Variants in MED13L observed in about 807,000 individuals in gnomAD.
MED13L encodes the protein mediator of RNA polymerase II transcription subunit 13-like.
Under a neutral mutation model 220.9 loss-of-function variants are expected in MED13L, and 7 were observed. The ratio of observed to expected loss-of-function variants is 0.03; its 90% confidence interval spans 0.02 to 0.06. The LOEUF is 0.06. Ranked by LOEUF, MED13L falls within the 10% of genes least tolerant of loss-of-function variation. The probability of loss-of-function intolerance (pLI) is 1.00; values close to 1 mark genes in which losing one functional copy is unlikely to be tolerated. For synonymous variants in MED13L, 1,011 were observed against 1,015.2 expected, an observed-to-expected ratio of 1.00 and a Z score of 0.08; for missense variants, 1,965 against 2,760.5, an observed-to-expected ratio of 0.71 and a Z score of 6.46.
intron 16 of MED13L, among the ~76,000 whole-genome samples, chr12:115,993,122 T>A (rs1878174013): frequency 6.6e-6 from 1 of 152,172 alleles, no homozygotes; most frequent in Non-Finnish European, 1.5e-5. Context: ...ACAGAGGGAT[T>A]TGTGTAAATT....
chr12:116,083,184 A>G (rs1312847278), intron 4 of MED13L, among the ~76,000 whole-genome samples: 1 of 152,072 alleles, frequency 6.6e-6, no homozygotes, highest in Non-Finnish European at 1.5e-5. Context: ...AGTTGGGTAG[A>G]TCACTTGAGG....
intron 1 of MED13L, among the ~76,000 whole-genome samples, chr12:116,265,756 A>G (rs762568843): frequency 1.3e-5 from 2 of 152,196 alleles, no homozygotes; most frequent in Non-Finnish European, 2.9e-5. Context: ...CTGTTTTTTA[A>G]AAGAAAGCCA....
At chr12:116,058,239 G>A (rs372011514) in intron 4 of MED13L, among the ~76,000 whole-genome samples, 11 of 152,088 alleles carry the variant, frequency 7.2e-5, no homozygotes, top group African/African-American at 2.7e-4. Flanking sequence ...ATCAGGATAA[G>A]GTTTGCCATT....
chr12:115,981,663 G>A (rs1001023745), intron 22 of MED13L, among the ~76,000 whole-genome samples: 8 of 152,094 alleles, frequency 5.3e-5, no homozygotes, highest in South Asian at 4.1e-4. Context: ...ATACATAAAC[G>A]TGTCCTATGG....
At position 115,983,271 on chromosome 12, in the gene MED13L, T is replaced by A; in HGVS notation, c.4801A>T (p.Thr1601Ser). 6.2e-7 allele frequency: 1 copy of A among 1,614,206 alleles called. No homozygotes were observed. Among genetic ancestry groups the A allele is most frequent in the Non-Finnish European group, 8.5e-7 (1 of 1,180,014 alleles). ...ASAPGISQIS[T>S]TSSSGFSGSV... ...CCACTGAATCCTGAAGAAGAGGTAG[T>A]GCTTATCTGGCTAATACCAGGAGCA... Residue 1601 changes from threonine (T) to serine (S), a missense_variant, in exon 21 of 31, where the codon ACT becomes TCT. Transcript: ENST00000281928.
At chr12:116,084,671 G>A (rs2137755381) in intron 4 of MED13L, among the ~76,000 whole-genome samples, 1 of 152,042 alleles carries the variant, frequency 6.6e-6, no homozygotes, top group Non-Finnish European at 1.5e-5. Context: ...TGTAATCCCA[G>A]CTACTCAGGA....
chr12:116,137,852 A>ATTTTTTTT (rs5801166), intron 2 of MED13L, among the ~76,000 whole-genome samples: 3 of 118,482 alleles, frequency 2.5e-5, no homozygotes, highest in Non-Finnish European at 5.0e-5. Context: ...TAATGAGGTA[A>ATTTTTTTT]TTTTTTTTTT....
chr12:115,996,026 C>T (rs1484824454), intron 16 of MED13L, among the ~76,000 whole-genome samples: 1 of 152,142 alleles, frequency 6.6e-6, no homozygotes, highest in African/African-American at 2.4e-5. Context: ...AAATAATTTG[C>T]ACAAAAACAT....
At chr12:116,134,257 T>C (rs1370683667) in intron 2 of MED13L, among the ~76,000 whole-genome samples, 2 of 152,166 alleles carry the variant, frequency 1.3e-5, no homozygotes, top group African/African-American at 2.4e-5. Flanking sequence ...TGTTGGATGA[T>C]AAATCATTAA....
chr12:116,276,514 C>T (rs1281176110), intron 1 of MED13L: 1 of 1,283,784 alleles, frequency 7.8e-7, no homozygotes, highest in Non-Finnish European at 1.0e-6. Flanking sequence ...TTTACAATCG[C>T]GGGAGCTTCG....
chr12:116,074,798 G>C (rs2137701557), intron 4 of MED13L, among the ~76,000 whole-genome samples: 1 of 152,292 alleles, frequency 6.6e-6, no homozygotes, highest in South Asian at 2.1e-4. Flanking sequence ...CTACCACAAG[G>C]GTGCCCTTGA....
intron 16 of MED13L, 54 bp downstream of exon 16, chr12:115,996,422 A>G (rs1878408401): frequency 1.3e-6 from 2 of 1,562,172 alleles, no homozygotes; most frequent in Non-Finnish European, 1.8e-6. Flanking sequence ...ACATTTAGTT[A>G]AGATAAAAAT....
intron 4 of MED13L, among the ~76,000 whole-genome samples, chr12:116,078,633 T>C (rs1871001289): frequency 6.6e-6 from 1 of 152,190 alleles, no homozygotes; most frequent in Admixed American, 6.5e-5. Context: ...CTATGCCTCT[T>C]TGCTTACATA....
At chr12:115,975,448 A>G (rs1348845428) in intron 24 of MED13L, 67 bp downstream of exon 24, 14 of 1,593,426 alleles carry the variant, frequency 8.8e-6, no homozygotes, top group African/African-American at 1.3e-5. Context: ...AGAAAACTGG[A>G]AATATTCATA....
At chr12:116,042,122 G>C (rs1202130195) in intron 4 of MED13L, among the ~76,000 whole-genome samples, 2 of 152,134 alleles carry the variant, frequency 1.3e-5, no homozygotes, top group Admixed American at 1.3e-4. Flanking sequence ...TCAAAATGTG[G>C]CAACAGACTG....
intron 2 of MED13L, among the ~76,000 whole-genome samples, chr12:116,181,768 G>A (rs926687514): frequency 6.6e-6 from 1 of 152,134 alleles, no homozygotes; most frequent in Non-Finnish European, 1.5e-5. Flanking sequence ...GCCTCCCAAA[G>A]TCCTGGGATT....
intron 2 of MED13L, among the ~76,000 whole-genome samples, chr12:116,117,017 T>C (rs944212079): frequency 2.0e-5 from 3 of 151,864 alleles, no homozygotes; most frequent in African/African-American, 7.2e-5. Flanking sequence ...ATGTATATAG[T>C]AGTTGTATTT....
intron 1 of MED13L, among the ~76,000 whole-genome samples, chr12:116,271,059 A>G (rs912824997): frequency 1.3e-5 from 2 of 150,554 alleles, no homozygotes; most frequent in Admixed American, 6.6e-5. Flanking sequence ...AAAAAAAAAA[A>G]AAAAAAAAGA....
intron 19 of MED13L, among the ~76,000 whole-genome samples, chr12:115,985,446 T>C (rs1437230414): frequency 5.3e-5 from 8 of 152,246 alleles, no homozygotes; most frequent in Non-Finnish European, 2.9e-5. Flanking sequence ...TGTCCTGTTT[T>C]GGAATATTTT....
Sources: gnomAD v4.1 joint callset for allele counts (sites outside exome capture counted in the v4.1 genomes callset) on GRCh38, gnomAD v4.1.1 for gene constraint, MANE v1.5 for transcripts, NCBI Gene and HGNC (gene_info 2026-07-23, HGNC 2026-07-21) for gene names.